Variants in GLIS1 observed in about 807,000 individuals in gnomAD.
GLIS1 encodes the protein zinc finger protein GLIS1.
In GLIS1, 24 loss-of-function variants were observed where a neutral mutation model predicts 63.8. That is an observed-to-expected ratio of 0.38 (90% CI 0.27 to 0.53). GLIS1 has a LOEUF of 0.53. Among genes scored for constraint, GLIS1 ranks in the 20% least tolerant of loss-of-function variants. GLIS1 has a pLI of 0.85. For synonymous variants in GLIS1, 450 were observed against 482.5 expected, an observed-to-expected ratio of 0.93 and a Z score of 0.88; for missense variants, 1,036 against 1,074.1, an observed-to-expected ratio of 0.96 and a Z score of 0.50.
At chr1:53,622,249 G>A (rs1307517546) in intron 2 of GLIS1, among the ~76,000 whole-genome samples, 1 of 149,618 alleles carries the variant, frequency 6.7e-6, no homozygotes, top group African/African-American at 2.5e-5. Flanking sequence ...CCAACATGGT[G>A]AAACCCTGTC....
intron 2 of GLIS1, among the ~76,000 whole-genome samples, chr1:53,602,609 C>T (rs1389953378): frequency 6.6e-6 from 1 of 152,172 alleles, no homozygotes; most frequent in African/African-American, 2.4e-5. Flanking sequence ...CCTACCAAGC[C>T]CTCACTCATC....
chr1:53,586,185 T>G (rs1471121615), intron 4 of GLIS1, among the ~76,000 whole-genome samples: 2 of 152,178 alleles, frequency 1.3e-5, no homozygotes, highest in Admixed American at 6.5e-5. Context: ...CCCCTGGGTT[T>G]GCTTTTCCAA....
chr1:53,594,311 G>C lies in GLIS1; in HGVS notation c.1117C>G (p.Arg373Gly), dbSNP rs375343014. Reference sequence around the variant, plus strand: ...TAGGCTGCACAGCAGTCCACCCAGCGGCACGCCTGCCGCCCGGCCACCACC... The same window carrying C: ...TAGGCTGCACAGCAGTCCACCCAGCCGCACGCCTGCCGCCCGGCCACCACC... ...GRVVAGRQAC[R>G]WVDCCAAYEQ... The change falls in exon 4 of 11, where the codon CGC becomes GGC. Residue 373 changes from arginine (R) to glycine (G), a missense_variant. This residue lies in a region of GLIS1 where 592 missense variants were observed against 593.9 expected (regional missense o/e 1.00). Coordinates refer to ENST00000628545, the MANE Select transcript of GLIS1 (RefSeq NM_001367484.1). 30 of 1,612,122 alleles carry C rather than the reference G, an allele frequency of 1.9e-5. No homozygotes were observed. The highest frequency in any genetic ancestry group is 2.3e-5 in the Non-Finnish European group (27 of 1,179,762).
chr1:53,679,202 G>A (rs1041234441), intron 2 of GLIS1, among the ~76,000 whole-genome samples: 2 of 152,216 alleles, frequency 1.3e-5, no homozygotes, highest in Non-Finnish European at 2.9e-5. Flanking sequence ...CCCACTACGA[G>A]GGGGAACGGG....
Position 53,539,478 on chromosome 1 carries a change from C to T in GLIS1, c.1321-9526G>A, listed in dbSNP as rs1013192447. Among the ~76,000 whole-genome samples, 5 of 150,770 alleles carry T rather than the reference C, an allele frequency of 3.3e-5. No individual in the cohort carries two copies. Among genetic ancestry groups the T allele is most frequent in the African/African-American group, 1.2e-4 (5 of 40,896 alleles). ...CCCCAATACATACACATCATACCTC[C>T]CACACACACGTACCACACCCCCAAC... On this transcript the variant is annotated intron_variant, in intron 4 of 10. Transcript: ENST00000628545. This position sits in a 1 kb window ranked among gnomAD's most constrained non-coding sequence, Gnocchi z 5.0.
intron 4 of GLIS1, among the ~76,000 whole-genome samples, chr1:53,581,767 G>C (rs1645087532): frequency 6.6e-6 from 1 of 152,134 alleles, no homozygotes; most frequent in African/African-American, 2.4e-5. Flanking sequence ...CATATCTGAG[G>C]AACAGCCGGA....
In GLIS1 at chr1:53,708,776, T is replaced by C. The variant is rs184263992; in HGVS notation, c.259+29030A>G. Among the ~76,000 whole-genome samples the C allele has an allele frequency of 6.6e-5, 10 of 152,258 alleles. No individual in the cohort carries two copies. In the East Asian group the frequency reaches 1.9e-3, roughly 29 times the overall value. ...CCCCTCTGACCACCTGCAGTCCTTA[T>C]GGATAAAGTGCACTCCATCCGGAAC... is the stretch of plus-strand genomic sequence containing the variant. On this transcript the variant is annotated intron_variant, in intron 2 of 10. Transcript: ENST00000628545.
intron 3 of GLIS1, among the ~76,000 whole-genome samples, chr1:53,599,521 T>C (rs1645294223): frequency 6.6e-6 from 1 of 152,260 alleles, no homozygotes; most frequent in Non-Finnish European, 1.5e-5. Context: ...TCCTTTTCTT[T>C]ATAAATTACC....
chr1:53,531,412 G>A (rs1009008367), intron 4 of GLIS1, among the ~76,000 whole-genome samples: 1 of 152,240 alleles, frequency 6.6e-6, no homozygotes, highest in African/African-American at 2.4e-5. Flanking sequence ...GGGCTCACCT[G>A]CGGGGAGTAG....
intron 4 of GLIS1, among the ~76,000 whole-genome samples, chr1:53,577,205 C>T (rs191703567): frequency 8.5e-4 from 129 of 151,886 alleles, no homozygotes; most frequent in South Asian, 6.7e-3. Flanking sequence ...TCCAGACTTG[C>T]GCATCCCCTA....
At chr1:53,649,987 AC>A (rs1645888506) in intron 2 of GLIS1, among the ~76,000 whole-genome samples, 1 of 152,208 alleles carries the variant, frequency 6.6e-6, no homozygotes, top group Non-Finnish European at 1.5e-5. Flanking sequence ...TCAAGGGTCA[AC>A]TGTGTAAGAT....
rs1646926546 is a variant in GLIS1, at chr1:53,737,839, A to C, written c.226T>G (p.Tyr76Asp). 1 of 1,230,932 alleles carries C rather than the reference A, an allele frequency of 8.1e-7. No homozygotes were observed. Among genetic ancestry groups the C allele is most frequent in the African/African-American group, 1.6e-5 (1 of 64,360 alleles). 76.3% of individuals were successfully genotyped at this position (1,230,932 alleles called of 1,614,324 possible). Reference protein sequence around the residue: ...DLLRPRSPRDYGPSKAAAAGK... With the variant: ...DLLRPRSPRDDGPSKAAAAGK... ...GCGGCGGCGGCCTTGGATGGACCGT[A>C]GTCTCGGGGACTGCGGGGCCGGAGG... The change falls in exon 2 of 11, where the codon TAC becomes GAC. Residue 76 changes from tyrosine to aspartate, a missense_variant. Coordinates refer to ENST00000628545, the MANE Select transcript of GLIS1 (RefSeq NM_001367484.1).
chr1:53,719,286 G>C (rs1319916915), intron 2 of GLIS1, among the ~76,000 whole-genome samples: 1 of 152,230 alleles, frequency 6.6e-6, no homozygotes, highest in Non-Finnish European at 1.5e-5. Context: ...CCAGTTCTCT[G>C]AGTGATCCTC....
chr1:53,698,893 T>C (rs906337407), intron 2 of GLIS1, among the ~76,000 whole-genome samples: 8 of 152,096 alleles, frequency 5.3e-5, no homozygotes, highest in African/African-American at 1.9e-4. Context: ...ACTGAGGAAA[T>C]GGGATTGGAG....
chr1:53,592,864 AAGCAGATCCTGTCCGAC>A (rs1242805115), intron 4 of GLIS1, among the ~76,000 whole-genome samples: 1 of 152,244 alleles, frequency 6.6e-6, no homozygotes, highest in African/African-American at 2.4e-5. Flanking sequence ...GAAGCTGCAG[AAGCAGATCCTGTCCGAC>A]GCCCAGCTCC....
intron 2 of GLIS1, among the ~76,000 whole-genome samples, chr1:53,688,231 C>A (rs1446252054): frequency 6.6e-6 from 1 of 152,246 alleles, no homozygotes; most frequent in Non-Finnish European, 1.5e-5. Flanking sequence ...CTCATCGCTC[C>A]CTCCTGTGCC....
At chr1:53,565,812 A>G (rs547986933) in intron 4 of GLIS1, among the ~76,000 whole-genome samples, 3 of 151,518 alleles carry the variant, frequency 2.0e-5, no homozygotes, top group South Asian at 2.1e-4. Context: ...CAAGGAATAG[A>G]AAAAAAAAGG....
At position 53,542,214 on chromosome 1, in the gene GLIS1, C is replaced by G. The variant is rs1174623557; in HGVS notation, c.1321-12262G>C. 2.0e-5 allele frequency among the ~76,000 whole-genome samples: 3 copies of G among 152,194 alleles called. No homozygotes were observed. The East Asian group carries it at 5.8e-4, about 29-fold the overall frequency. ...CTCGGTTTTCATCTGTCAAAGGGGTCCGTGTGGAATAGCACTGCACCTCCA... is the reference window on the plus strand; with the variant it reads ...CTCGGTTTTCATCTGTCAAAGGGGTGCGTGTGGAATAGCACTGCACCTCCA... On this transcript the variant is annotated intron_variant, in intron 4 of 10. Transcript: ENST00000628545.
intron 4 of GLIS1, among the ~76,000 whole-genome samples, chr1:53,588,430 T>C (rs576144656): frequency 6.6e-6 from 1 of 152,324 alleles, no homozygotes; most frequent in South Asian, 2.1e-4. Context: ...TATCAGCCCC[T>C]TCAGGGAACT....
Sources: gnomAD v4.1 joint callset for allele counts (sites outside exome capture counted in the v4.1 genomes callset) on GRCh38, gnomAD v4.1.1 for gene constraint, gnomAD v4.1.1 regional missense constraint, Gnocchi (gnomAD v3.1) non-coding constraint, MANE v1.5 for transcripts, NCBI Gene and HGNC (gene_info 2026-07-23, HGNC 2026-07-21) for gene names.